The following AURKC variants were observed in gnomAD, a reference collection of about 807,000 sequenced individuals.
The protein encoded by AURKC is aurora kinase C.
A neutral mutation model predicts 29.2 loss-of-function variants in AURKC; 15 were observed. The observed-to-expected ratio is 0.51, with a 90% CI of 0.34 to 0.79. The LOEUF (loss-of-function observed/expected upper bound fraction) is 0.79, where lower values mean the gene tolerates loss of function less well. Ranked by LOEUF, AURKC falls within the 30% of genes least tolerant of loss-of-function variation. The probability of loss-of-function intolerance (pLI) is 0.01; values close to 1 mark genes in which losing one functional copy is unlikely to be tolerated. For missense variants in AURKC, 332 were observed against 383.2 expected (o/e 0.87, Z 1.12); for synonymous variants, 150 against 149.9 (o/e 1.00, Z -0.01).
At position 57,232,591 on chromosome 19, in the gene AURKC, G is replaced by T. The variant is rs769321124; in HGVS notation, c.346G>T (p.Val116Leu). Residue 116 changes from valine to leucine, a missense_variant, in exon 4 of 7, where the codon GTG becomes TTG. By Grantham distance (32) the Val-to-Leu change is conservative (BLOSUM62 1). Transcript: ENST00000302804. This position sits in a 1 kb window ranked among gnomAD's most constrained non-coding sequence, Gnocchi z 4.5. Reference protein sequence around the residue: ...LYNYFHDARRVYLILEYAPRG... With the variant: ...LYNYFHDARRLYLILEYAPRG... ...TAACTATTTCCATGATGCACGCCGG[G>T]TGTACCTGATTCTGGAATATGCTCC... 3.7e-6 allele frequency: 6 copies of T among 1,614,012 alleles called. No homozygotes were observed. Among genetic ancestry groups the T allele is most frequent in the African/African-American group, 2.7e-5 (2 of 74,904 alleles).
Position 57,231,185 on chromosome 19 carries a change from C to T in AURKC, c.-64C>T. On this transcript the variant is annotated 5_prime_UTR_variant, in exon 1 of 7. Coordinates refer to ENST00000302804, the MANE Select transcript of AURKC (RefSeq NM_001015878.2). ...GTGACCCCCCACCCCTTTCAGGACCCTGTGAACGGGAACAGCCATCCAGAG... is the reference window on the plus strand; with the variant it reads ...GTGACCCCCCACCCCTTTCAGGACCTTGTGAACGGGAACAGCCATCCAGAG... 1 of 1,551,602 alleles carries T rather than the reference C, an allele frequency of 6.4e-7. No homozygotes were observed. Among genetic ancestry groups the T allele is most frequent in the Middle Eastern group, 1.7e-4 (1 of 5,992 alleles).
intron 5 of AURKC, among the ~76,000 whole-genome samples, chr19:57,234,062 T>C (rs1392839740): frequency 1.3e-5 from 2 of 148,506 alleles, no homozygotes; most frequent in East Asian, 2.0e-4. Flanking sequence ...TCTTTTTTTT[T>C]TTTTTTTTTT....
intron 5 of AURKC, among the ~76,000 whole-genome samples, chr19:57,234,505 A>T (rs1164344788): frequency 1.3e-5 from 2 of 152,226 alleles, no homozygotes; most frequent in African/African-American, 4.8e-5. Flanking sequence ...CCACAATTCC[A>T]AAGGAGTGCA....
At chr19:57,233,216 C>T (rs563263521) in intron 4 of AURKC, among the ~76,000 whole-genome samples, 4 of 152,308 alleles carry the variant, frequency 2.6e-5, no homozygotes, top group African/African-American at 7.2e-5. Context: ...TGTCTGGCTA[C>T]TTGCTGTGCT....
rs768538793 is a variant in AURKC at position 57,235,371 on chromosome 19, C to A, written c.884C>A (p.Ala295Asp). The A allele has an allele frequency of 1.9e-6, 3 of 1,613,982 alleles. No homozygotes were observed. Among genetic ancestry groups the A allele is most frequent in the Non-Finnish European group, 2.5e-6 (3 of 1,180,040 alleles). The change falls in exon 7 of 7, where the codon GCC becomes GAC. Residue 295 changes from alanine to aspartate, a missense_variant. By Grantham distance (126) the Ala-to-Asp change is moderately radical. Coordinates refer to ENST00000302804, the MANE Select transcript of AURKC (RefSeq NM_001015878.2). ...ATCCTGAAGCACCCCTGGGTTCAGG[C>A]CCACTCCCGAAGGGTGCTGCCTCCC... Reference protein sequence around the residue: ...AQILKHPWVQAHSRRVLPPCA... With the variant: ...AQILKHPWVQDHSRRVLPPCA...
At chr19:57,233,281 A>T (rs2087512025) in intron 4 of AURKC, among the ~76,000 whole-genome samples, 179 bp from the exon 5 acceptor site, 1 of 152,210 alleles carries the variant, frequency 6.6e-6, no homozygotes, top group African/African-American at 2.4e-5. Flanking sequence ...AAGACCACAT[A>T]AAAAGGAGAG....
Position 57,232,867 on chromosome 19 carries a change from A to C in AURKC, c.435+187A>C, listed in dbSNP as rs1036867235. Among the ~76,000 whole-genome samples, 4 of 152,138 alleles carry C rather than the reference A, an allele frequency of 2.6e-5. No individual in the cohort carries two copies. Among genetic ancestry groups the C allele is most frequent in the African/African-American group, 9.7e-5 (4 of 41,418 alleles). Reference sequence around the variant, plus strand: ...ATCCTTGGATACCCTAATTAACCTCATTGTATCTCCAGAATATTAATAAGT... The same window carrying C: ...ATCCTTGGATACCCTAATTAACCTCCTTGTATCTCCAGAATATTAATAAGT... On this transcript the variant is annotated intron_variant, in intron 4 of 6. Coordinates refer to ENST00000302804, the MANE Select transcript of AURKC (RefSeq NM_001015878.2). The surrounding 1 kb of genome is among the most constrained non-coding windows in gnomAD (Gnocchi z 4.5).
intron 5 of AURKC, 146 bp downstream of exon 5, chr19:57,233,754 C>CTTT (rs779336470): frequency 4.3e-6 from 4 of 921,508 alleles, no homozygotes; most frequent in East Asian, 3.3e-5. Context: ...CTTTTCTTTT[C>CTTT]TTTTTTTTTT....
chr19:57,232,586 G>C lies in AURKC; in HGVS notation c.341G>C (p.Arg114Pro). The stretch of plus-strand genomic sequence containing the variant: ...CTGTATAACTATTTCCATGATGCAC[G>C]CCGGGTGTACCTGATTCTGGAATAT... Reference protein sequence around the residue: ...LRLYNYFHDARRVYLILEYAP... With the variant: ...LRLYNYFHDAPRVYLILEYAP... The change falls in exon 4 of 7, where the codon CGC (arginine) becomes CCC (proline). Residue 114 changes from arginine to proline, a missense_variant. Coordinates refer to ENST00000302804, the MANE Select transcript of AURKC (RefSeq NM_001015878.2). The surrounding 1 kb of genome is among the most constrained non-coding windows in gnomAD (Gnocchi z 4.5). 6.2e-7 allele frequency: 1 copy of C among 1,614,118 alleles called. No homozygotes were observed. The highest frequency in any genetic ancestry group is 1.1e-5 in the South Asian group (1 of 91,076).
In AURKC at chr19:57,235,378, C is replaced by G. The variant is rs774323528; in HGVS notation, c.891C>G (p.Ser297=). 1 of 1,614,112 alleles carries G rather than the reference C, an allele frequency of 6.2e-7. No individual in the cohort carries two copies. Among genetic ancestry groups the G allele is most frequent in the Non-Finnish European group, 8.5e-7 (1 of 1,180,040 alleles). ...ILKHPWVQAH[S]RRVLPPCAQM... Reference sequence around the variant, plus strand: ...AGCACCCCTGGGTTCAGGCCCACTCCCGAAGGGTGCTGCCTCCCTGTGCTC... The same window carrying G: ...AGCACCCCTGGGTTCAGGCCCACTCGCGAAGGGTGCTGCCTCCCTGTGCTC... The change falls in exon 7 of 7, where the codon TCC becomes TCG. Residue 297 remains serine, a synonymous_variant. Coordinates refer to ENST00000302804, the MANE Select transcript of AURKC (RefSeq NM_001015878.2).
In AURKC at chr19:57,234,872, G is replaced by A. The variant is rs760560162; in HGVS notation, c.585-12G>A. The A allele has an allele frequency of 4.3e-6, 7 of 1,614,090 alleles. No homozygotes were observed. The highest frequency in any genetic ancestry group is 2.2e-5 in the East Asian group (1 of 44,886). On this transcript the variant is annotated splice_polypyrimidine_tract_variant and intron_variant, in intron 5 of 6. Coordinates refer to ENST00000302804, the MANE Select transcript of AURKC (RefSeq NM_001015878.2). ...CTGCTTAGTACTTATTCCCTTTTCT[G>A]CCTTCCTCTAGGAGGAAGACAATGT...
chr19:57,232,265 G>C lies in AURKC; in HGVS notation c.296+41G>C. ...GCTTCCTCTTTCATCTTTGACGTCTGAGCCCAGCATTTTCCCCAAATACTA... is the reference window on the plus strand; with the variant it reads ...GCTTCCTCTTTCATCTTTGACGTCTCAGCCCAGCATTTTCCCCAAATACTA... On this transcript the variant is annotated intron_variant, in intron 3 of 6. Transcript: ENST00000302804. This position sits in a 1 kb window ranked among gnomAD's most constrained non-coding sequence, Gnocchi z 4.5. 6.2e-7 allele frequency: 1 copy of C among 1,608,544 alleles called. No individual in the cohort carries two copies. The highest frequency in any genetic ancestry group is 8.5e-7 in the Non-Finnish European group (1 of 1,178,516).
chr19:57,235,403 C>G lies in AURKC; in HGVS notation c.916C>G (p.Gln306Glu). ...HSRRVLPPCA[Q>E]MAS ...CCGAAGGGTGCTGCCTCCCTGTGCT[C>G]AGATGGCTTCCTGAGCCCTGTCTGC... Residue 306 changes from glutamine to glutamate, a missense_variant, in exon 7 of 7, where the codon CAG becomes GAG. Coordinates refer to ENST00000302804, the MANE Select transcript of AURKC (RefSeq NM_001015878.2). 1 of 1,613,890 alleles carries G rather than the reference C, an allele frequency of 6.2e-7. No homozygotes were observed. The highest frequency in any genetic ancestry group is 8.5e-7 in the Non-Finnish European group (1 of 1,180,040).
chr19:57,233,667 T>A (rs1206025034), intron 5 of AURKC, 59 bp downstream of exon 5: 1 of 1,608,378 alleles, frequency 6.2e-7, no homozygotes, highest in East Asian at 2.2e-5. Flanking sequence ...TGACCCAGTT[T>A]AATGTATTTC....
At chr19:57,235,121 G>GCA (rs369490639) in intron 6 of AURKC, 63 bp downstream of exon 6, 33 of 1,604,864 alleles carry the variant, frequency 2.1e-5, no homozygotes, top group African/African-American at 5.4e-5. Context: ...TGGGCTGTGG[G>GCA]CACACACACA....
rs750204689 is a variant in AURKC, at chr19:57,232,804, G to T, written c.435+124G>T. 2.3e-6 allele frequency: 3 copies of T among 1,309,744 alleles called. No homozygotes were observed. In the East Asian group the frequency reaches 7.1e-5, roughly 31 times the overall value. 81.1% of individuals were successfully genotyped at this position (1,309,744 alleles called of 1,614,324 possible). A position where few individuals can be genotyped will look rare whatever the true frequency, so the allele number is the denominator to read the frequency against. On this transcript the variant is annotated intron_variant, in intron 4 of 6. Transcript: ENST00000302804. This position sits in a 1 kb window ranked among gnomAD's most constrained non-coding sequence, Gnocchi z 4.5. The stretch of plus-strand genomic sequence containing the variant: ...GAAGTTTACTTCTGAATGTTATTGT[G>T]TAAATTTAATATAATGGCACGTATG...
chr19:57,235,080 AT>A, intron 6 of AURKC, 22 bp downstream of exon 6: 1 of 1,613,966 alleles, frequency 6.2e-7, no homozygotes, highest in South Asian at 1.1e-5. Flanking sequence ...ACCTTTGGGC[AT>A]TCATGGGGGA....
intron 2 of AURKC, 34 bp downstream of exon 2, chr19:57,231,821 A>G (rs764079453): frequency 5.6e-6 from 9 of 1,614,048 alleles, no homozygotes; most frequent in Non-Finnish European, 7.6e-6. Flanking sequence ...TGGAAAAGGA[A>G]GGAAGGTGGG....
At position 57,235,352 on chromosome 19, in the gene AURKC, A is replaced by C; in HGVS notation, c.865A>C (p.Lys289Gln). 3 of 1,614,052 alleles carry C rather than the reference A, an allele frequency of 1.9e-6. No individual in the cohort carries two copies. Among genetic ancestry groups the C allele is most frequent in the Non-Finnish European group, 2.5e-6 (3 of 1,180,002 alleles). ...LERLPLAQIL[K>Q]HPWVQAHSRR... Reference sequence around the variant, plus strand: ...GAGACTGCCCCTGGCCCAGATCCTGAAGCACCCCTGGGTTCAGGCCCACTC... The same window carrying C: ...GAGACTGCCCCTGGCCCAGATCCTGCAGCACCCCTGGGTTCAGGCCCACTC... The change falls in exon 7 of 7, where the codon AAG becomes CAG. Residue 289 changes from lysine (K) to glutamine (Q), a missense_variant. Transcript: ENST00000302804.
Sources: allele counts gnomAD v4.1 joint callset (sites outside exome capture counted in the v4.1 genomes callset), GRCh38; gene constraint gnomAD v4.1.1; non-coding constraint Gnocchi (gnomAD v3.1); transcripts MANE v1.5; gene names NCBI Gene and HGNC (gene_info 2026-07-23, HGNC 2026-07-21).